The following JPH1 variants were observed in gnomAD, a reference collection of about 807,000 sequenced individuals.
The protein encoded by JPH1 is junctophilin 1, also known as junctophilin-1.
A neutral mutation model predicts 53.6 loss-of-function variants in JPH1; 12 were observed. That is an observed-to-expected ratio of 0.22 (90% CI 0.14 to 0.36). The LOEUF (loss-of-function observed/expected upper bound fraction) is 0.36. Ranked by LOEUF, JPH1 falls within the 10% of genes least tolerant of loss-of-function variation. The pLI is 1.00. For missense variants in JPH1, 808 were observed against 905.5 expected (o/e 0.89, Z 1.38); for synonymous variants, 375 against 363.8 (o/e 1.03, Z -0.35).
At position 74,235,136 on chromosome 8, in the gene JPH1, T is replaced by G. The variant is rs1205441223; in HGVS notation, c.*1915A>C. On this transcript the variant is annotated 3_prime_UTR_variant, in exon 6 of 6. Transcript: ENST00000342232. ...TAAGATTAAATATTTTATTATTATT[T>G]TTTTAAAAAACCAGCTTTCCCAGCG... 1 of 152,258 alleles carries G rather than the reference T, an allele frequency of 6.6e-6. No homozygotes were observed. Among genetic ancestry groups the G allele is most frequent in the African/African-American group, 2.4e-5 (1 of 41,436 alleles). 9.4% of individuals were successfully genotyped at this position (152,258 alleles called of 1,614,324 possible).
At chr8:74,294,387 AGACAAAGTC>A (rs140895571) in intron 2 of JPH1, among the ~76,000 whole-genome samples, 38,046 of 151,944 alleles carry the variant, frequency 0.25, 4,890 homozygotes, top group Middle Eastern at 0.29. Context: ...AGACAAGCCA[AGACAAAGTC>A]GGCCACGGTG....
At chr8:74,307,413 G>C (rs1807870624) in intron 2 of JPH1, among the ~76,000 whole-genome samples, 1 of 152,184 alleles carries the variant, frequency 6.6e-6, no homozygotes, top group Non-Finnish European at 1.5e-5. Context: ...CTCAGAGTCT[G>C]GGTATTTCAA....
chr8:74,298,368 G>C (rs1563416413), intron 2 of JPH1, among the ~76,000 whole-genome samples: 1 of 152,142 alleles, frequency 6.6e-6, no homozygotes, highest in Non-Finnish European at 1.5e-5. Flanking sequence ...CAAGGGTGCA[G>C]TTCTTTATTG....
At chr8:74,265,614 G>A (rs928084403) in intron 2 of JPH1, among the ~76,000 whole-genome samples, 1 of 152,030 alleles carries the variant, frequency 6.6e-6, no homozygotes, top group Non-Finnish European at 1.5e-5. Context: ...TATAATGAGG[G>A]TCATTCAAAA....
intron 2 of JPH1, among the ~76,000 whole-genome samples, chr8:74,272,646 C>T (rs1183510544): frequency 1.3e-5 from 2 of 149,012 alleles, no homozygotes; most frequent in East Asian, 2.0e-4. Context: ...CTCTGTCGCC[C>T]AGGCTGGAGT....
chr8:74,313,108 T>C (rs1808043626), intron 2 of JPH1, among the ~76,000 whole-genome samples: 1 of 152,204 alleles, frequency 6.6e-6, no homozygotes, highest in Non-Finnish European at 1.5e-5. Context: ...TTTGTTAAAG[T>C]GTTCTGCACA....
chr8:74,308,238 C>T (rs1807894918), intron 2 of JPH1, among the ~76,000 whole-genome samples: 1 of 152,182 alleles, frequency 6.6e-6, no homozygotes, highest in Non-Finnish European at 1.5e-5. Context: ...GGAAGGGAAT[C>T]TCTTACATGT....
chr8:74,267,463 G>A (rs1022331353), intron 2 of JPH1, among the ~76,000 whole-genome samples: 6 of 152,212 alleles, frequency 3.9e-5, no homozygotes, highest in African/African-American at 1.4e-4. Flanking sequence ...CCTTATCTCT[G>A]GGGCAGCTGC....
chr8:74,274,499 T>C (rs1464435645), intron 2 of JPH1, among the ~76,000 whole-genome samples: 2 of 152,210 alleles, frequency 1.3e-5, no homozygotes, highest in Admixed American at 6.5e-5. Context: ...CTTTTAGATG[T>C]GGACGTTCTA....
At chr8:74,237,095 G>T (rs556173661) in intron 5 of JPH1, 60 bp from the exon 6 acceptor site, 1 of 692,440 alleles carries the variant, frequency 1.4e-6, no homozygotes, top group Non-Finnish European at 2.5e-6. Context: ...TTCAGGCATA[G>T]CCAAAATTAA....
rs190896366 is a variant in JPH1, at chr8:74,277,372, G to A, written c.1140-17869C>T. On this transcript the variant is annotated intron_variant, in intron 2 of 5. Coordinates refer to ENST00000342232, the MANE Select transcript of JPH1 (RefSeq NM_020647.4). ...TCTACAGCATATTGTTACAACCACAGCATACCTGCAATCCTTGGATTAGAT... is the reference window on the plus strand; with the variant it reads ...TCTACAGCATATTGTTACAACCACAACATACCTGCAATCCTTGGATTAGAT... 8.5e-5 allele frequency among the ~76,000 whole-genome samples: 13 copies of A among 152,332 alleles called. No homozygotes were observed. In the East Asian group the frequency reaches 2.1e-3, roughly 25 times the overall value.
At chr8:74,279,845 TAA>T (rs1489185734) in intron 2 of JPH1, among the ~76,000 whole-genome samples, 1 of 152,224 alleles carries the variant, frequency 6.6e-6, no homozygotes, top group Non-Finnish European at 1.5e-5. Context: ...ACTGGAAAAC[TAA>T]AGAGTTCTAA....
chr8:74,280,347 A>T (rs746340163), intron 2 of JPH1, among the ~76,000 whole-genome samples: 36 of 152,204 alleles, frequency 2.4e-4, no homozygotes, highest in Non-Finnish European at 3.5e-4. Flanking sequence ...AGGTGGTGAA[A>T]ACTTGGGGGA....
At position 74,320,618 on chromosome 8, in the gene JPH1, C is replaced by G. The variant is rs911796949; in HGVS notation, c.379+291G>C. On this transcript the variant is annotated intron_variant, in intron 1 of 5. Coordinates refer to ENST00000342232, the MANE Select transcript of JPH1 (RefSeq NM_020647.4). This position sits in a 1 kb window ranked among gnomAD's most constrained non-coding sequence, Gnocchi z 4.4. ...AACCCTCCCGGGCGGCGCTCCCTCC[C>G]GGTGGCAGCGCAGCGCTGGCGCCGG... Among the ~76,000 whole-genome samples the G allele has an allele frequency of 1.3e-5, 2 of 152,162 alleles. No homozygotes were observed. Among genetic ancestry groups the G allele is most frequent in the Non-Finnish European group, 2.9e-5 (2 of 68,014 alleles).
chr8:74,236,336 C>T lies in JPH1; in HGVS notation c.*715G>A, dbSNP rs769279658. The stretch of plus-strand genomic sequence containing the variant: ...TGTTTCTTTTCCTTGAGATGCAACA[C>T]GTGTGTTTCGTCCGGCCAGGACCGC... On this transcript the variant is annotated 3_prime_UTR_variant, in exon 6 of 6. Transcript: ENST00000342232. 6.6e-6 allele frequency: 1 copy of T among 152,298 alleles called. No homozygotes were observed. The highest frequency in any genetic ancestry group is 1.5e-5 in the Non-Finnish European group (1 of 68,036). 9.4% of individuals were successfully genotyped at this position (152,298 alleles called of 1,614,324 possible). A position where few individuals can be genotyped will look rare whatever the true frequency, so the allele number is the denominator to read the frequency against.
intron 3 of JPH1, 148 bp from the exon 4 acceptor site, chr8:74,245,323 A>T: frequency 4.2e-6 from 3 of 709,928 alleles, no homozygotes; most frequent in Non-Finnish European, 4.2e-6. Flanking sequence ...GGAAAAGTTT[A>T]TTTATTATGG....
intron 2 of JPH1, among the ~76,000 whole-genome samples, chr8:74,266,644 G>A (rs1806541042): frequency 6.6e-6 from 1 of 152,110 alleles, no homozygotes; most frequent in Admixed American, 6.5e-5. Context: ...TACTACTATT[G>A]AAATGTATAT....
At chr8:74,266,478 G>C (rs1007915491) in intron 2 of JPH1, among the ~76,000 whole-genome samples, 1 of 152,144 alleles carries the variant, frequency 6.6e-6, no homozygotes, top group Non-Finnish European at 1.5e-5. Context: ...ATTACACGCG[G>C]TACCTAGAGT....
At chr8:74,295,493 C>T (rs1586764218) in intron 2 of JPH1, among the ~76,000 whole-genome samples, 1 of 152,194 alleles carries the variant, frequency 6.6e-6, no homozygotes. Context: ...TTAGCACCTA[C>T]TAAGTGCTAC....
Sources: gnomAD v4.1 joint callset for allele counts (sites outside exome capture counted in the v4.1 genomes callset) on GRCh38, gnomAD v4.1.1 for gene constraint, Gnocchi (gnomAD v3.1) non-coding constraint, MANE v1.5 for transcripts, NCBI Gene and HGNC (gene_info 2026-07-23, HGNC 2026-07-21) for gene names.